DSCAM: variants seen among roughly 807,000 people sequenced by gnomAD.
DSCAM encodes DS cell adhesion molecule.
In DSCAM, 47 loss-of-function variants were observed where a neutral mutation model predicts 217.7. That is an observed-to-expected ratio of 0.22 (90% confidence interval 0.17 to 0.28). DSCAM has a LOEUF of 0.28. Among genes scored for constraint, DSCAM ranks in the 10% least tolerant of loss-of-function variants. DSCAM has a pLI of 1.00. For synonymous variants in DSCAM, 1,056 were observed against 1,015.3 expected, an observed-to-expected ratio of 1.04 and a Z score of -0.76; for missense variants, 2,080 against 2,618.3, an observed-to-expected ratio of 0.79 and a Z score of 4.49.
chr21:40,787,498 T>C (rs1318235893), intron 1 of DSCAM, among the ~76,000 whole-genome samples: 1 of 152,204 alleles, frequency 6.6e-6, no homozygotes, highest in Non-Finnish European at 1.5e-5. Context: ...TCCCTCATAA[T>C]GTCAAAACGA....
chr21:40,769,198 CACTT>C (rs201351637), intron 1 of DSCAM, among the ~76,000 whole-genome samples: 9,082 of 145,732 alleles, frequency 0.062, 548 homozygotes, highest in African/African-American at 0.17. Flanking sequence ...CAAGGATTGA[CACTT>C]ACATCTCTGT....
At position 40,142,686 on chromosome 21, in the gene DSCAM, T is replaced by G. The variant is rs774679956; in HGVS notation, c.3278A>C (p.Glu1093Ala). 6.2e-7 allele frequency: 1 copy of G among 1,614,094 alleles called. No homozygotes were observed. ...TGATGTTGCTATGGCTTGGACATTT[T>G]CGGGGGGGTAACTGGGCACTGAAAT... Reference protein sequence around the residue: ...TLEDVPSYPPENVQAIATSPE... With the variant: ...TLEDVPSYPPANVQAIATSPE... The change falls in exon 18 of 33, where the codon GAA (glutamate) becomes GCA (alanine). Residue 1093 changes from glutamate (E) to alanine (A), a missense_variant. Glu to Ala is a moderately radical substitution (Grantham distance 107). Around this residue, in one of 5 missense-constraint regions of DSCAM, gnomAD observed 1,144 missense variants for 1,421.1 expected, o/e 0.81. Transcript: ENST00000400454.
intron 16 of DSCAM, among the ~76,000 whole-genome samples, chr21:40,158,104 G>A (rs183163963): frequency 6.9e-4 from 105 of 152,290 alleles, no homozygotes; most frequent in African/African-American, 2.5e-3. Context: ...AGTTGTCTGG[G>A]CAAGGCACAG....
At chr21:40,773,189 TCTAGGAAAC>T (rs1268665022) in intron 1 of DSCAM, among the ~76,000 whole-genome samples, 1 of 152,216 alleles carries the variant, frequency 6.6e-6, no homozygotes, top group Non-Finnish European at 1.5e-5. Context: ...AGGTTCTACT[TCTAGGAAAC>T]CCAGCTGTTT....
At chr21:40,367,482 T>C (rs1212783963) in intron 4 of DSCAM, among the ~76,000 whole-genome samples, 1 of 152,246 alleles carries the variant, frequency 6.6e-6, no homozygotes, top group Non-Finnish European at 1.5e-5. Flanking sequence ...TATTTAAATC[T>C]AATTTAAAAT....
At chr21:40,547,917 G>A (rs1181911087) in intron 3 of DSCAM, among the ~76,000 whole-genome samples, 1 of 152,226 alleles carries the variant, frequency 6.6e-6, no homozygotes, top group Non-Finnish European at 1.5e-5. Flanking sequence ...ACACTGCGCA[G>A]TGTCCCGCAG....
At chr21:40,351,037 C>T (rs938753389) in intron 5 of DSCAM, among the ~76,000 whole-genome samples, 1 of 151,810 alleles carries the variant, frequency 6.6e-6, no homozygotes, top group African/African-American at 2.4e-5. Flanking sequence ...AGACACAAGC[C>T]ATCACACCCA....
Position 40,074,979 on chromosome 21 carries a change from C to T in DSCAM, c.4888+58G>A, listed in dbSNP as rs983357490. On this transcript the variant is annotated intron_variant, in intron 27 of 32. Transcript: ENST00000400454. Reference sequence around the variant, plus strand: ...GTTTGTTCTCCAGCTGGCATCTCTCCCATTGGCTGCAGAGCAGCAGGGGAC... The same window carrying T: ...GTTTGTTCTCCAGCTGGCATCTCTCTCATTGGCTGCAGAGCAGCAGGGGAC... The T allele has an allele frequency of 5.1e-6, 8 of 1,576,496 alleles. No homozygotes were observed. In the African/African-American group the frequency reaches 1.1e-4, roughly 21 times the overall value.
At chr21:40,684,137 T>G (rs920903369) in intron 3 of DSCAM, among the ~76,000 whole-genome samples, 11 of 149,956 alleles carry the variant, frequency 7.3e-5, no homozygotes, top group Admixed American at 1.3e-4. Flanking sequence ...GGCAGGAGAA[T>G]CACTTGAACT....
intron 3 of DSCAM, among the ~76,000 whole-genome samples, chr21:40,378,652 C>T (rs1409868220): frequency 7.4e-6 from 1 of 135,890 alleles, no homozygotes; most frequent in Non-Finnish European, 1.5e-5. Flanking sequence ...AGTGCAGTGG[C>T]GCGATCTCGG....
chr21:40,641,408 C>T (rs900175444), intron 3 of DSCAM, among the ~76,000 whole-genome samples: 1 of 152,180 alleles, frequency 6.6e-6, no homozygotes, highest in African/African-American at 2.4e-5. Context: ...GATGCTTTCT[C>T]TTTCTCTAGA....
At chr21:40,825,370 T>C (rs926844965) in intron 1 of DSCAM, among the ~76,000 whole-genome samples, 1 of 151,710 alleles carries the variant, frequency 6.6e-6, no homozygotes, top group African/African-American at 2.4e-5. Flanking sequence ...CAGGCTGGAG[T>C]GCAATGGCAC....
intron 3 of DSCAM, among the ~76,000 whole-genome samples, chr21:40,440,279 C>A (rs903126731): frequency 6.6e-6 from 1 of 152,216 alleles, no homozygotes; most frequent in Non-Finnish European, 1.5e-5. Flanking sequence ...GCTCCAAAGT[C>A]CAAAGGCTCA....
Position 40,429,762 on chromosome 21 carries a change from G to A in DSCAM, c.509-60517C>T, listed in dbSNP as rs145970508. On this transcript the variant is annotated intron_variant, in intron 3 of 32. Coordinates refer to ENST00000400454, the MANE Select transcript of DSCAM (RefSeq NM_001389.5). ...CTGGCACACAGTAAGTACTCATTAA[G>A]TGCTGGCTATTATTAAGTACTCCAG... Among the ~76,000 whole-genome samples, 536 of 152,324 alleles carry A rather than the reference G, an allele frequency of 3.5e-3. 2 individuals are homozygous for A. The highest frequency in any genetic ancestry group is 6.1e-3 in the Non-Finnish European group (416 of 68,020).
chr21:40,466,403 G>A (rs1482271427), intron 3 of DSCAM, among the ~76,000 whole-genome samples: 2 of 152,166 alleles, frequency 1.3e-5, no homozygotes, highest in African/African-American at 2.4e-5. Context: ...AGCACTGGAA[G>A]AGACCATGTA....
chr21:40,569,709 C>T (rs1234316085), intron 3 of DSCAM, among the ~76,000 whole-genome samples: 1 of 152,148 alleles, frequency 6.6e-6, no homozygotes, highest in Non-Finnish European at 1.5e-5. Context: ...ACATACCTCC[C>T]TTGTACCAGA....
intron 3 of DSCAM, among the ~76,000 whole-genome samples, chr21:40,458,968 TA>T (rs1220555373): frequency 1.3e-5 from 2 of 151,930 alleles, no homozygotes; most frequent in African/African-American, 2.4e-5. Context: ...GGTAAAATGT[TA>T]AAAGCAATGC....
intron 3 of DSCAM, among the ~76,000 whole-genome samples, chr21:40,544,943 C>A (rs953777396): frequency 6.6e-6 from 1 of 150,838 alleles, no homozygotes; most frequent in East Asian, 1.9e-4. Context: ...AGAATAGGCG[C>A]CAGAATTCAA....
chr21:40,017,817 G>A (rs2088191503), intron 32 of DSCAM, among the ~76,000 whole-genome samples: 1 of 152,224 alleles, frequency 6.6e-6, no homozygotes, highest in African/African-American at 2.4e-5. Context: ...CTCCCAAAGT[G>A]TTGGGATTAC....
Sources: gnomAD v4.1 joint callset for allele counts (sites outside exome capture counted in the v4.1 genomes callset) on GRCh38, gnomAD v4.1.1 for gene constraint, gnomAD v4.1.1 regional missense constraint, MANE v1.5 for transcripts, NCBI Gene and HGNC (gene_info 2026-07-23, HGNC 2026-07-21) for gene names.